ARAP2: variants seen among roughly 807,000 people sequenced by gnomAD.
The protein encoded by ARAP2 is arf-GAP with Rho-GAP domain, ANK repeat and PH domain-containing protein 2.
A neutral mutation model predicts 194.5 loss-of-function variants in ARAP2; 148 were observed. That is an observed-to-expected ratio of 0.76 (90% CI 0.67 to 0.87). ARAP2 has a LOEUF of 0.87. Ranked by LOEUF, ARAP2 falls within the 40% of genes least tolerant of loss-of-function variation. The pLI, the probability that ARAP2 is intolerant of heterozygous loss-of-function variation, is 0.00. For missense variants in ARAP2, 2,128 were observed against 1,989.7 expected, an observed-to-expected ratio of 1.07 and a Z score of -1.32; for synonymous variants, 695 against 683.5, an observed-to-expected ratio of 1.02 and a Z score of -0.26.
At position 36,085,668 on chromosome 4, in the gene ARAP2, ATTC is replaced by A. The variant is rs149962057; in HGVS notation, c.4426-2221_4426-2219del. On this transcript the variant is annotated intron_variant, in intron 28 of 32. Coordinates refer to ENST00000303965, the MANE Select transcript of ARAP2 (RefSeq NM_015230.4). ...TTATCTCCCAAAATGTCTTCAAATTATTCTTATCTATTTATCCTTTGAGGTGAA... is the reference window on the plus strand; with the variant it reads ...TTATCTCCCAAAATGTCTTCAAATTATTATCTATTTATCCTTTGAGGTGAA... Among the ~76,000 whole-genome samples the A allele has an allele frequency of 9.5e-3, 1,439 of 152,248 alleles. 22 individuals carry two copies. Among genetic ancestry groups the A allele is most frequent in the African/African-American group, 0.033 (1,373 of 41,564 alleles).
chr4:36,014,258 AAAGAAAGAAAG>A (rs1715179582), intron 8 of ARAP2, among the ~76,000 whole-genome samples: 1 of 144,774 alleles, frequency 6.9e-6, no homozygotes, highest in Non-Finnish European at 1.5e-5. Context: ...AGAAAGAAAG[AAAGAAAGAAAG>A]AAAGAAAGAA....
chr4:36,185,978 C>CAAAAAAAAAAAAAAAAAAAAAAA (rs1054588041), intron 8 of ARAP2, among the ~76,000 whole-genome samples: 7 of 135,150 alleles, frequency 5.2e-5, no homozygotes, highest in African/African-American at 1.7e-4. Flanking sequence ...AACTCTGTCT[C>CAAAAAAAAAAAAAAAAAAAAAAA]AAAAAAAAAA....
At chr4:36,144,955 T>G (rs529252022) in intron 19 of ARAP2, among the ~76,000 whole-genome samples, 1 of 152,000 alleles carries the variant, frequency 6.6e-6, no homozygotes, top group African/African-American at 2.4e-5. Context: ...ATGATTTTAA[T>G]AGCATTTTCT....
At chr4:36,207,658 A>T (rs1386722078) in intron 6 of ARAP2, among the ~76,000 whole-genome samples, 1 of 152,228 alleles carries the variant, frequency 6.6e-6, no homozygotes, top group Non-Finnish European at 1.5e-5. Flanking sequence ...ATTAAACAAA[A>T]GACAGTTTCA....
chr4:36,148,291 G>C (rs1730128125), intron 17 of ARAP2, 114 bp downstream of exon 17: 1 of 709,710 alleles, frequency 1.4e-6, no homozygotes, highest in Admixed American at 3.3e-5. Flanking sequence ...AATGAAGTAT[G>C]AACTTTATTC....
intron 20 of ARAP2, among the ~76,000 whole-genome samples, chr4:36,130,540 C>T (rs1725171627): frequency 6.6e-6 from 1 of 151,830 alleles, no homozygotes; most frequent in South Asian, 2.1e-4. Flanking sequence ...CTGTGCTTTA[C>T]CCATGAAGCT....
At chr4:36,034,645 C>T (rs545265352) in intron 5 of ARAP2, among the ~76,000 whole-genome samples, 92 of 152,104 alleles carry the variant, frequency 6.0e-4, no homozygotes, top group Middle Eastern at 6.8e-3. Flanking sequence ...GCATATCCAG[C>T]ACTATGTTGA....
chr4:36,181,875 G>A (rs1182020031), intron 8 of ARAP2, among the ~76,000 whole-genome samples: 1 of 152,124 alleles, frequency 6.6e-6, no homozygotes, highest in Non-Finnish European at 1.5e-5. Context: ...CACAAGATGG[G>A]GGGCCCAGGG....
chr4:36,213,402 T>A, intron 3 of ARAP2, 83 bp from the exon 4 acceptor site: 5 of 1,018,608 alleles, frequency 4.9e-6, no homozygotes, highest in South Asian at 4.2e-5. Context: ...AAAGCATGAG[T>A]TTTTTATGGC....
Position 36,067,787 on chromosome 4 carries a change from C to A in ARAP2, c.*120G>T. On this transcript the variant is annotated 3_prime_UTR_variant, in exon 33 of 33. Transcript: ENST00000303965. ...TGCTCCTTAAATGCCTAAGCATAGACAAATTTGCCTATCAATAGGCAAATT... is the reference window on the plus strand; with the variant it reads ...TGCTCCTTAAATGCCTAAGCATAGAAAAATTTGCCTATCAATAGGCAAATT... The A allele has an allele frequency of 1.1e-5, 12 of 1,106,884 alleles. No individual in the cohort carries two copies. The highest frequency in any genetic ancestry group is 1.4e-5 in the Non-Finnish European group (11 of 794,152). The allele number at this position is 1,106,884 out of a possible 1,614,324, so 68.6% of individuals were successfully genotyped here. A position where few individuals can be genotyped will look rare whatever the true frequency, so the allele number is the denominator to read the frequency against.
intron 22 of ARAP2, among the ~76,000 whole-genome samples, chr4:36,123,370 C>T (rs368763160): frequency 6.6e-6 from 1 of 151,874 alleles, no homozygotes; most frequent in African/African-American, 2.4e-5. Context: ...CAATTTACTT[C>T]TCAATCTTTT....
chr4:36,243,176 G>T (rs539583275), intron 1 of ARAP2, among the ~76,000 whole-genome samples: 4 of 151,840 alleles, frequency 2.6e-5, no homozygotes, highest in Non-Finnish European at 5.9e-5. Context: ...TTACTTACGG[G>T]CAAAGTTCCA....
chr4:36,015,184 G>T (rs1291895936), intron 8 of ARAP2, among the ~76,000 whole-genome samples: 1 of 151,984 alleles, frequency 6.6e-6, no homozygotes. Context: ...TCATTCTATT[G>T]ATTTATATCT....
chr4:36,091,767 A>G (rs2109387930), intron 28 of ARAP2, 114 bp downstream of exon 28: 2 of 1,141,114 alleles, frequency 1.8e-6, no homozygotes, highest in East Asian at 2.6e-5. Context: ...TCAGCTTACC[A>G]TGCATTTTAT....
chr4:36,206,569 C>T (rs544871535), intron 6 of ARAP2, among the ~76,000 whole-genome samples: 1 of 152,366 alleles, frequency 6.6e-6, no homozygotes, highest in Admixed American at 6.5e-5. Context: ...CTGCTACCCT[C>T]TCCTTCCAGG....
intron 5 of ARAP2, among the ~76,000 whole-genome samples, chr4:36,021,440 A>G (rs917301886): frequency 6.6e-6 from 1 of 152,202 alleles, no homozygotes; most frequent in Non-Finnish European, 1.5e-5. Flanking sequence ...GTTTGGTACC[A>G]TCATCTTGGT....
At chr4:36,109,897 A>C (rs1184447220) in intron 26 of ARAP2, among the ~76,000 whole-genome samples, 2 of 125,464 alleles carry the variant, frequency 1.6e-5, no homozygotes, top group Non-Finnish European at 3.1e-5. Context: ...AAGCTTTGAG[A>C]TACTATTGAT....
intron 9 of ARAP2, among the ~76,000 whole-genome samples, chr4:36,009,614 T>A (rs897883388): frequency 1.3e-5 from 2 of 152,080 alleles, no homozygotes; most frequent in Non-Finnish European, 2.9e-5. Flanking sequence ...TACCTTTGTA[T>A]CAGATCTGCA....
intron 27 of ARAP2, among the ~76,000 whole-genome samples, chr4:36,094,414 G>T (rs1330806948): frequency 1.3e-5 from 2 of 151,984 alleles, no homozygotes; most frequent in African/African-American, 4.8e-5. Flanking sequence ...AAAGCTTGTT[G>T]ACTCTCACTT....
Sources: gnomAD v4.1 joint callset for allele counts (sites outside exome capture counted in the v4.1 genomes callset) on GRCh38, gnomAD v4.1.1 for gene constraint, MANE v1.5 for transcripts, NCBI Gene and HGNC (gene_info 2026-07-23, HGNC 2026-07-21) for gene names.